PLCB4: variants seen among roughly 807,000 people sequenced by gnomAD.
PLCB4 encodes phospholipase C beta 4.
In PLCB4, 77 loss-of-function variants were observed where a neutral mutation model predicts 178.8. The observed-to-expected ratio is 0.43, with a 90% confidence interval of 0.36 to 0.52. The LOEUF (loss-of-function observed/expected upper bound fraction) is 0.52, where lower values mean the gene tolerates loss of function less well. Ranked by LOEUF, PLCB4 falls within the 20% of genes least tolerant of loss-of-function variation. The pLI, the probability that PLCB4 is intolerant of heterozygous loss-of-function variation, is 0.00. For synonymous variants in PLCB4, 496 were observed against 490.8 expected (o/e 1.01, Z -0.14); for missense variants, 1,024 against 1,453.4 (o/e 0.70, Z 4.80).
intron 3 of PLCB4, among the ~76,000 whole-genome samples, chr20:9,296,928 C>T (rs2094643036): frequency 6.6e-6 from 1 of 152,066 alleles, no homozygotes; most frequent in African/African-American, 2.4e-5. Flanking sequence ...TTGATGGGTG[C>T]AGCACACCAA....
intron 15 of PLCB4, among the ~76,000 whole-genome samples, chr20:9,388,736 C>T (rs539111249): frequency 2.6e-5 from 4 of 152,214 alleles, no homozygotes; most frequent in South Asian, 4.2e-4. Context: ...TACACACACA[C>T]GCAGATGTCT....
intron 17 of PLCB4, among the ~76,000 whole-genome samples, chr20:9,391,472 C>T (rs1424620870): frequency 1.3e-5 from 2 of 152,170 alleles, no homozygotes; most frequent in Non-Finnish European, 2.9e-5. Flanking sequence ...AGAAGAACAT[C>T]ACAGCAAATG....
chr20:9,419,776 C>A, intron 25 of PLCB4, 31 bp from the exon 26 acceptor site: 1 of 1,346,608 alleles, frequency 7.4e-7, no homozygotes, highest in Non-Finnish European at 1.1e-6. Flanking sequence ...GTAAAACCTA[C>A]TAATAAACTT....
At chr20:9,429,993 G>A (rs1478191340) in intron 28 of PLCB4, among the ~76,000 whole-genome samples, 1 of 151,842 alleles carries the variant, frequency 6.6e-6, no homozygotes, top group Admixed American at 6.6e-5. Flanking sequence ...GGGCCACATT[G>A]GAAGAATAAG....
chr20:9,371,344 T>C (rs1602173327), intron 10 of PLCB4, 49 bp downstream of exon 10: 4 of 975,552 alleles, frequency 4.1e-6, no homozygotes, highest in Non-Finnish European at 6.6e-6. Context: ...TGTTTATTTA[T>C]CTTCTCATAT....
intron 33 of PLCB4, among the ~76,000 whole-genome samples, chr20:9,456,570 CCTCTCATTGCATTT>C (rs1465100397): frequency 6.6e-6 from 1 of 152,124 alleles, no homozygotes; most frequent in East Asian, 1.9e-4. Context: ...TTGAATAAAA[CCTCTCATTGCATTT>C]ACTGTGAAAG....
intron 34 of PLCB4, among the ~76,000 whole-genome samples, chr20:9,458,262 A>G (rs904832668): frequency 6.6e-6 from 1 of 152,128 alleles, no homozygotes; most frequent in East Asian, 1.9e-4. Flanking sequence ...TGGTAGCTGT[A>G]TGTTTTGTAG....
intron 21 of PLCB4, among the ~76,000 whole-genome samples, chr20:9,407,493 C>T (rs2039533408): frequency 6.6e-6 from 1 of 151,980 alleles, no homozygotes; most frequent in Non-Finnish European, 1.5e-5. Flanking sequence ...CCTCAGCCTC[C>T]CAAGTAGCTG....
At chr20:9,399,593 G>C (rs953872457) in intron 19 of PLCB4, among the ~76,000 whole-genome samples, 1 of 152,230 alleles carries the variant, frequency 6.6e-6, no homozygotes, top group Admixed American at 6.5e-5. Context: ...AAGGACATGT[G>C]GCTCCCAGGA....
chr20:9,312,227 G>A (rs574328003), intron 4 of PLCB4, among the ~76,000 whole-genome samples: 11 of 151,962 alleles, frequency 7.2e-5, no homozygotes, highest in African/African-American at 2.4e-4. Context: ...ATCCCAGCTC[G>A]GGCTACCCCT....
intron 4 of PLCB4, among the ~76,000 whole-genome samples, chr20:9,312,353 TACACACACACAC>T (rs34443371): frequency 0.034 from 4,345 of 127,856 alleles, 155 homozygotes; most frequent in African/African-American, 0.095. Flanking sequence ...CCTTCCACCC[TACACACACACAC>T]ACACACACAC....
intron 32 of PLCB4, among the ~76,000 whole-genome samples, chr20:9,446,352 C>G (rs1659999208): frequency 6.6e-6 from 1 of 152,144 alleles, no homozygotes. Flanking sequence ...AATGCAGTGA[C>G]AGCACATGGG....
At chr20:9,299,878 A>G in intron 3 of PLCB4, among the ~76,000 whole-genome samples, 1 of 152,046 alleles carries the variant, frequency 6.6e-6, no homozygotes, top group East Asian at 1.9e-4. Flanking sequence ...CTTTTTTACC[A>G]GATATGCCCT....
At chr20:9,284,808 T>A (rs562683165) in intron 3 of PLCB4, among the ~76,000 whole-genome samples, 3 of 152,040 alleles carry the variant, frequency 2.0e-5, no homozygotes, top group Non-Finnish European at 4.4e-5. Context: ...TAAAAAAACA[T>A]GTCCCATATT....
At chr20:9,075,510 A>G (rs11697237) in intron 1 of PLCB4, among the ~76,000 whole-genome samples, 94,951 of 152,108 alleles carry the variant, frequency 0.62, 29,756 homozygotes, top group South Asian at 0.72. Context: ...AGTTTTCTGG[A>G]AGGCCGGTTT....
chr20:9,199,583 A>T (rs1371396476), intron 2 of PLCB4, among the ~76,000 whole-genome samples: 2 of 152,152 alleles, frequency 1.3e-5, no homozygotes, highest in Non-Finnish European at 2.9e-5. Context: ...GTCCGGTACC[A>T]CTTACAATTC....
intron 3 of PLCB4, among the ~76,000 whole-genome samples, chr20:9,251,712 GGCAA>G (rs2094182734): frequency 5.8e-5 from 5 of 85,770 alleles, no homozygotes; most frequent in Non-Finnish European, 1.5e-4. Flanking sequence ...ATGGATTACT[GGCAA>G]TAATAAATGA....
intron 4 of PLCB4, among the ~76,000 whole-genome samples, chr20:9,326,248 A>G (rs2030538139): frequency 2.0e-5 from 3 of 152,194 alleles, no homozygotes; most frequent in African/African-American, 7.2e-5. Context: ...ATCAGAAAAG[A>G]TGGTGTACCT....
At chr20:9,079,925 A>G (rs1473373722) in intron 1 of PLCB4, among the ~76,000 whole-genome samples, 1 of 152,196 alleles carries the variant, frequency 6.6e-6, no homozygotes, top group Non-Finnish European at 1.5e-5. Flanking sequence ...TGATTAACCA[A>G]AAATGTAGGC....
Sources: allele counts gnomAD v4.1 joint callset (sites outside exome capture counted in the v4.1 genomes callset), GRCh38; gene constraint gnomAD v4.1.1; transcripts MANE v1.5; gene names NCBI Gene and HGNC (gene_info 2026-07-23, HGNC 2026-07-21).